The following ICA1L variants were observed in gnomAD, a reference collection of about 807,000 sequenced individuals.
The protein encoded by ICA1L is islet cell autoantigen 1-like protein.
In ICA1L, 50 loss-of-function variants were observed where a neutral mutation model predicts 61.3. The observed-to-expected ratio is 0.82, with a 90% CI of 0.65 to 1.03. The LOEUF (loss-of-function observed/expected upper bound fraction) is 1.03. Among genes scored for constraint, ICA1L ranks in the 50% least tolerant of loss-of-function variants. The pLI is 0.00. For missense variants in ICA1L, 508 were observed against 556.7 expected, an observed-to-expected ratio of 0.91 and a Z score of 0.88; for synonymous variants, 161 against 191.3, an observed-to-expected ratio of 0.84 and a Z score of 1.31.
At chr2:202,789,200 T>TAAAC in intron 10 of ICA1L, 113 bp from the exon 11 acceptor site, 1 of 879,054 alleles carries the variant, frequency 1.1e-6, no homozygotes, top group Non-Finnish European at 1.7e-6. Flanking sequence ...AACATAATTT[T>TAAAC]AAACAAACAA....
chr2:202,855,452 T>C (rs187358315), intron 1 of ICA1L, among the ~76,000 whole-genome samples: 1 of 152,182 alleles, frequency 6.6e-6, no homozygotes, highest in East Asian at 1.9e-4. Flanking sequence ...AATAAAGGGA[T>C]ATCACCACTG....
chr2:202,783,901 T>C (rs1327884201), intron 12 of ICA1L, among the ~76,000 whole-genome samples: 1 of 148,352 alleles, frequency 6.7e-6, no homozygotes, highest in East Asian at 2.1e-4. Context: ...TATATGTATA[T>C]GATGGGGGGG....
At chr2:202,840,844 GT>G in intron 1 of ICA1L, 1 of 627,102 alleles carries the variant, frequency 1.6e-6, no homozygotes, top group Non-Finnish European at 3.0e-6. Flanking sequence ...GCTGGCTGAC[GT>G]TCTGGTTCAT....
chr2:202,791,743 GGCAAGGTTGGA>G (rs1270511026), intron 10 of ICA1L, among the ~76,000 whole-genome samples: 1 of 152,162 alleles, frequency 6.6e-6, no homozygotes, highest in Admixed American at 6.5e-5. Context: ...CTACTCAGGA[GGCAAGGTTGGA>G]GAATCACTTG....
Position 202,774,770 on chromosome 2 carries a change from G to A in ICA1L, c.*4763C>T, listed in dbSNP as rs1161548839. 1 of 154,234 alleles carries A rather than the reference G, an allele frequency of 6.5e-6. No individual in the cohort carries two copies. Among genetic ancestry groups the A allele is most frequent in the Non-Finnish European group, 1.4e-5 (1 of 69,500 alleles). The allele number at this position is 154,234 out of a possible 1,614,324, so 9.6% of individuals were successfully genotyped here. ...GGTAGCAAGGGAAACTTGTGGCAGG[G>A]GCCACCCATATCACACTGGGCCAGG... On this transcript the variant is annotated 3_prime_UTR_variant, in exon 13 of 13. Coordinates refer to ENST00000358299, the MANE Select transcript of ICA1L (RefSeq NM_001288622.3).
chr2:202,811,968 C>G (rs1693392154), intron 8 of ICA1L, among the ~76,000 whole-genome samples, 179 bp from the exon 9 acceptor site: 1 of 152,130 alleles, frequency 6.6e-6, no homozygotes, highest in South Asian at 2.1e-4. Context: ...TAGATCTATA[C>G]AGACCTTTCA....
At chr2:202,839,558 CTGTGTGTGTGTGTGTGTGTGTGTG>C (rs57535958) in intron 1 of ICA1L, among the ~76,000 whole-genome samples, 3,884 of 114,364 alleles carry the variant, frequency 0.034, 84 homozygotes, top group Non-Finnish European at 0.046. Context: ...ACAGTTAAGT[CTGTGTGTGTGTGTGTGTGTGTGTG>C]TGTGTGTGTG....
chr2:202,848,967 G>A (rs991229537), intron 1 of ICA1L, among the ~76,000 whole-genome samples: 5 of 152,074 alleles, frequency 3.3e-5, no homozygotes, highest in African/African-American at 1.2e-4. Context: ...TGGTTAGGCA[G>A]TGGGTACAGC....
intron 1 of ICA1L, among the ~76,000 whole-genome samples, chr2:202,848,605 T>C (rs1362715960): frequency 6.6e-6 from 1 of 152,196 alleles, no homozygotes. Flanking sequence ...TTTGGCCATT[T>C]ACAGAAAAAG....
intron 10 of ICA1L, among the ~76,000 whole-genome samples, chr2:202,790,472 A>G (rs938555860): frequency 1.3e-5 from 2 of 152,142 alleles, no homozygotes; most frequent in African/African-American, 2.4e-5. Context: ...CCGCTTTCCA[A>G]CTTAGCAAGA....
chr2:202,847,703 A>ATATATATATATATATATGTATG (rs11274512), intron 1 of ICA1L, among the ~76,000 whole-genome samples: 7 of 131,234 alleles, frequency 5.3e-5, no homozygotes, highest in African/African-American at 2.0e-4. Flanking sequence ...AATTATATAT[A>ATATATATATATATATATGTATG]TATATAGTTA....
chr2:202,817,449 T>G lies in ICA1L; in HGVS notation c.653A>C (p.Asn218Thr). Residue 218 changes from asparagine (N) to threonine (T), a missense_variant, in exon 6 of 13, where the codon AAT becomes ACT. Asn to Thr is a moderately conservative substitution (Grantham distance 65, BLOSUM62 0). Transcript: ENST00000358299. ...GGTAGTGAGCGAATGAGATAGCATA[T>G]TGCAGCGACTAGCTCCAAGTAAATC... is the stretch of plus-strand genomic sequence containing the variant. The part of the protein sequence containing the change: ...KVDLLGASRC[N>T]MLSHSLTTYQ... 1 of 1,610,536 alleles carries G rather than the reference T, an allele frequency of 6.2e-7. No homozygotes were observed. The highest frequency in any genetic ancestry group is 8.5e-7 in the Non-Finnish European group (1 of 1,177,914).
intron 10 of ICA1L, among the ~76,000 whole-genome samples, chr2:202,792,583 T>C (rs1045740783): frequency 6.6e-6 from 1 of 152,026 alleles, no homozygotes; most frequent in South Asian, 2.1e-4. Flanking sequence ...GGCGGGCAGA[T>C]CACAAGGTCA....
chr2:202,779,222 A>G lies in ICA1L; in HGVS notation c.*311T>C, dbSNP rs919728327. 1.3e-4 allele frequency: 33 copies of G among 245,106 alleles called. No homozygotes were observed. The Middle Eastern group carries it at 5.0e-3, about 37-fold the overall frequency. 15.2% of individuals were successfully genotyped at this position (245,106 alleles called of 1,614,324 possible). On this transcript the variant is annotated 3_prime_UTR_variant, in exon 13 of 13. Transcript: ENST00000358299. ...GAAATAAGCTCAACTCCATATTGAC[A>G]GAATTATTCCTAGCCGTTATTTTGA...
intron 10 of ICA1L, among the ~76,000 whole-genome samples, chr2:202,791,559 T>C (rs1692750954): frequency 6.6e-6 from 1 of 152,140 alleles, no homozygotes; most frequent in Non-Finnish European, 1.5e-5. Context: ...TTAAAAGCAC[T>C]AGAATAGCCA....
chr2:202,826,564 T>C (rs1292935519), intron 2 of ICA1L, among the ~76,000 whole-genome samples: 2 of 152,120 alleles, frequency 1.3e-5, no homozygotes, highest in African/African-American at 4.8e-5. Flanking sequence ...TTCTACCGCC[T>C]GGGTTCAAGC....
intron 1 of ICA1L, among the ~76,000 whole-genome samples, chr2:202,858,410 G>A (rs145617458): frequency 1.7e-4 from 26 of 152,338 alleles, no homozygotes; most frequent in African/African-American, 6.3e-4. Flanking sequence ...TCAGAAGTGG[G>A]AGTTGAACAA....
intron 11 of ICA1L, among the ~76,000 whole-genome samples, chr2:202,788,578 G>A (rs1407979241): frequency 6.6e-6 from 1 of 152,096 alleles, no homozygotes; most frequent in African/African-American, 2.4e-5. Flanking sequence ...TAAACCAGAT[G>A]CCTGGGAAAA....
chr2:202,818,196 A>T (rs550930005), intron 5 of ICA1L, among the ~76,000 whole-genome samples: 1 of 152,348 alleles, frequency 6.6e-6, no homozygotes, highest in South Asian at 2.1e-4. Flanking sequence ...AAGGTAGCAA[A>T]TAAGTAAACA....
Sources: gnomAD v4.1 joint callset for allele counts (sites outside exome capture counted in the v4.1 genomes callset) on GRCh38, gnomAD v4.1.1 for gene constraint, MANE v1.5 for transcripts, NCBI Gene and HGNC (gene_info 2026-07-23, HGNC 2026-07-21) for gene names.